Variants in POU2F2 observed in about 807,000 individuals in gnomAD.
POU2F2 encodes POU class 2 homeobox 2, also known as POU domain, class 2, transcription factor 2.
Under a neutral mutation model 63.5 loss-of-function variants are expected in POU2F2, and 14 were observed. That is an observed-to-expected ratio of 0.22 (90% confidence interval 0.15 to 0.34). POU2F2 has a LOEUF of 0.34. POU2F2 is among the 10% of genes least tolerant of loss of function. POU2F2 has a pLI of 1.00. For synonymous variants in POU2F2, 306 were observed against 348.6 expected (o/e 0.88, Z 1.36); for missense variants, 607 against 815.2 (o/e 0.74, Z 3.11).
chr19:42,164,704 G>A (rs549839067), intron 1 of POU2F2, among the ~76,000 whole-genome samples: 1 of 152,002 alleles, frequency 6.6e-6, no homozygotes, highest in East Asian at 1.9e-4. Context: ...GCTCACACCT[G>A]TAATCCCAGC....
chr19:42,125,950 C>T (rs2033159323), intron 1 of POU2F2, among the ~76,000 whole-genome samples: 1 of 152,198 alleles, frequency 6.6e-6, no homozygotes, highest in Admixed American at 6.5e-5. Context: ...CAGCCTCGGA[C>T]CCCACTGCCA....
chr19:42,175,033 G>A (rs1420550558), intron 1 of POU2F2, among the ~76,000 whole-genome samples: 6 of 152,092 alleles, frequency 3.9e-5, no homozygotes, highest in Non-Finnish European at 7.3e-5. Context: ...ATGGACTTCC[G>A]CCCCAATTTC....
In POU2F2 at chr19:42,117,360, C is replaced by A. The variant is rs1185675445; in HGVS notation, c.259G>T (p.Ala87Ser). ...GCTGAATCGCCACTGGGGTCTTCAG[C>A]CTTGATCTGGGGGGGAGAGAGGCAG... The part of the protein sequence containing the change: ...GPCLSPPQIK[A>S]EDPSGDSAPA... Residue 87 changes from alanine to serine, a missense_variant, in exon 5 of 15, where the codon GCT (alanine) becomes TCT (serine). Ala to Ser is a moderately conservative substitution (Grantham distance 99). Around this residue, in one of 7 missense-constraint regions of POU2F2, gnomAD observed 224 missense variants for 264.3 expected, o/e 0.85. Transcript: ENST00000692977. This position sits in a 1 kb window ranked among gnomAD's most constrained non-coding sequence, Gnocchi z 4.4. 2.0e-6 allele frequency: 3 copies of A among 1,531,882 alleles called. No homozygotes were observed. The South Asian group carries it at 3.9e-5, about 20-fold the overall frequency. The allele number at this position is 1,531,882 out of a possible 1,614,324, so 94.9% of individuals were successfully genotyped here. A position where few individuals can be genotyped will look rare whatever the true frequency, so the allele number is the denominator to read the frequency against.
rs1211158829 is a variant in POU2F2, at chr19:42,117,361, C to T, written c.258G>A (p.Lys86=). 2 of 1,531,226 alleles carry T rather than the reference C, an allele frequency of 1.3e-6. No homozygotes were observed. Among genetic ancestry groups the T allele is most frequent in the Non-Finnish European group, 8.7e-7 (1 of 1,150,188 alleles). 94.9% of individuals were successfully genotyped at this position (1,531,226 alleles called of 1,614,324 possible). Residue 86 remains lysine, a synonymous_variant, in exon 5 of 15, where the codon AAG becomes AAA. Coordinates refer to ENST00000692977, the MANE Select transcript of POU2F2 (RefSeq NM_001394376.1). The surrounding 1 kb of genome is among the most constrained non-coding windows in gnomAD (Gnocchi z 4.4). ...PGPCLSPPQI[K]AEDPSGDSAP... ...CTGAATCGCCACTGGGGTCTTCAGCCTTGATCTGGGGGGGAGAGAGGCAGG... is the reference window on the plus strand; with the variant it reads ...CTGAATCGCCACTGGGGTCTTCAGCTTTGATCTGGGGGGGAGAGAGGCAGG...
At chr19:42,192,025 A>G (rs1209859367) in intron 1 of POU2F2, among the ~76,000 whole-genome samples, 2 of 152,240 alleles carry the variant, frequency 1.3e-5, no homozygotes, top group African/African-American at 2.4e-5. Context: ...GGCATGTGGT[A>G]TAAGTGCTCT....
Position 42,091,473 on chromosome 19 carries a change from C to G in POU2F2, c.1659G>C (p.Leu553Phe). Reference protein sequence around the residue: ...SPGLVTSPLFLNHAGLPLLST... With the variant: ...SPGLVTSPLFFNHAGLPLLST... ...TGAGCAGGGGCAGCCCAGCATGATTCAAGAAGAGCGGCGAGGTCACCAGGC... is the reference window on the plus strand; with the variant it reads ...TGAGCAGGGGCAGCCCAGCATGATTGAAGAAGAGCGGCGAGGTCACCAGGC... The change falls in exon 15 of 15, where the codon TTG becomes TTC. Residue 553 changes from leucine to phenylalanine, a missense_variant. Leu to Phe is a conservative substitution (Grantham distance 22). Around this residue, in one of 7 missense-constraint regions of POU2F2, gnomAD observed 270 missense variants for 307.5 expected, o/e 0.88. Transcript: ENST00000692977. 1 of 1,550,224 alleles carries G rather than the reference C, an allele frequency of 6.5e-7. No homozygotes were observed. The highest frequency in any genetic ancestry group is 8.7e-7 in the Non-Finnish European group (1 of 1,146,248).
chr19:42,183,862 T>C (rs1210669344), intron 1 of POU2F2, among the ~76,000 whole-genome samples: 1 of 152,018 alleles, frequency 6.6e-6, no homozygotes, highest in Admixed American at 6.6e-5. Context: ...AGAGTAAGAC[T>C]ATCAAGAAGT....
intron 1 of POU2F2, among the ~76,000 whole-genome samples, chr19:42,183,926 C>T (rs771245796): frequency 6.6e-6 from 1 of 151,322 alleles, no homozygotes; most frequent in Non-Finnish European, 1.5e-5. Context: ...TTCGAAGTAC[C>T]ATGTTGAATA....
Position 42,162,884 on chromosome 19 carries a change from C to T in POU2F2, c.-69-2492G>A, listed in dbSNP as rs75466144. 0.096 allele frequency among the ~76,000 whole-genome samples: 14,629 copies of T among 152,174 alleles called. 903 individuals carry two copies. The highest frequency in any genetic ancestry group is 0.2 in the Middle Eastern group (58 of 294). On this transcript the variant is annotated intron_variant, in intron 1 of 6. Transcript: ENST00000524801. The surrounding 1 kb of genome is among the most constrained non-coding windows in gnomAD (Gnocchi z 4.1). ...GATAGACAGATGGAAACACTGGCAC[C>T]CACAGACACATCAGTACTGGCATTT...
Position 42,132,390 on chromosome 19 carries a change from C to T in POU2F2, c.22G>A (p.Ala8Thr). The change falls in exon 1 of 15, where the codon GCT becomes ACT. Residue 8 changes from alanine to threonine, a missense_variant. By Grantham distance (58) the Ala-to-Thr change is moderately conservative (BLOSUM62 0). This residue lies in a region of POU2F2 where 224 missense variants were observed against 264.3 expected (regional missense o/e 0.85). Transcript: ENST00000692977. ...CAGGCACCAGCCCCCTTACCTGGAG[C>T]CCCCATGCTGGAGTGAACCATGCTG... MVHSSMG[A>T]PEIRMSKPLE... 6.4e-7 allele frequency: 1 copy of T among 1,569,246 alleles called. No individual in the cohort carries two copies. Among genetic ancestry groups the T allele is most frequent in the Non-Finnish European group, 8.6e-7 (1 of 1,161,644 alleles).
chr19:42,116,411 A>G (rs992595093), intron 5 of POU2F2, among the ~76,000 whole-genome samples: 6 of 152,150 alleles, frequency 3.9e-5, no homozygotes, highest in Admixed American at 2.0e-4. Flanking sequence ...TGAGGACAAC[A>G]ATCTCAACCT....
intron 5 of POU2F2, among the ~76,000 whole-genome samples, chr19:42,100,291 A>G (rs1164996376): frequency 1.3e-5 from 2 of 151,140 alleles, no homozygotes; most frequent in African/African-American, 4.9e-5. Context: ...CAGTTTCACC[A>G]TGATAGCCAG....
In POU2F2 at chr19:42,146,537, C is replaced by A. The variant is rs1193200907; in HGVS notation, c.-9+13795G>T. On this transcript the variant is annotated intron_variant, in intron 2 of 6. Coordinates refer to the POU2F2 transcript ENST00000524801. ...CCAGCTCCACTTTGTGGGGCCCTAG[C>A]AGATTCTCCGAGCTCATACAGAAAG... Among the ~76,000 whole-genome samples the A allele has an allele frequency of 2.6e-5, 4 of 152,340 alleles. No homozygotes were observed. The East Asian group carries it at 7.7e-4, about 29-fold the overall frequency.
At chr19:42,161,905 G>C (rs1476575267) in intron 1 of POU2F2, among the ~76,000 whole-genome samples, 1 of 152,200 alleles carries the variant, frequency 6.6e-6, no homozygotes. Flanking sequence ...AGGAGATTTA[G>C]GGCCGGGATC....
upstream of POU2F2, among the ~76,000 whole-genome samples, chr19:42,180,946 A>C (rs1354009569): frequency 6.6e-6 from 1 of 151,982 alleles, no homozygotes; most frequent in African/African-American, 2.4e-5. Context: ...CCCAGGCTAA[A>C]GCACCAATTT....
At chr19:42,193,853 C>T (rs2035099857) in intron 1 of POU2F2, among the ~76,000 whole-genome samples, 1 of 152,158 alleles carries the variant, frequency 6.6e-6, no homozygotes, top group Non-Finnish European at 1.5e-5. Context: ...CAACTGGAAA[C>T]AACCCAAATG....
Position 42,086,200 on chromosome 19 carries a change from A to G in POU2F2, c.*5057T>C, listed in dbSNP as rs1019200499. The G allele has an allele frequency of 1.3e-5, 2 of 152,138 alleles. No individual in the cohort carries two copies. The highest frequency in any genetic ancestry group is 4.8e-5 in the African/African-American group (2 of 41,416). 9.4% of individuals were successfully genotyped at this position (152,138 alleles called of 1,614,324 possible). ...ACTCAAGTTACAAAAATGGGGCCTTAAAAGAAGCACATTGTACAATGAACA... is the reference window on the plus strand; with the variant it reads ...ACTCAAGTTACAAAAATGGGGCCTTGAAAGAAGCACATTGTACAATGAACA... On this transcript the variant is annotated 3_prime_UTR_variant, in exon 15 of 15. Coordinates refer to ENST00000692977, the MANE Select transcript of POU2F2 (RefSeq NM_001394376.1).
In POU2F2 at chr19:42,091,334, A is replaced by G. The variant is rs1381726971; in HGVS notation, c.1798T>C (p.Ser600Pro). The stretch of plus-strand genomic sequence containing the variant: ...GCTGCCGTCTCGCTGCAAGTGGAGG[A>G]GGAGGAGGATGAGGATGAAGAGGAT... ...SSSSSSSSSS[S>P]STCSETAAQT... Residue 600 changes from serine to proline, a missense_variant, in exon 15 of 15, where the codon TCC (serine) becomes CCC (proline). Physicochemically the swap from Ser to Pro is moderately conservative, Grantham distance 74. Coordinates refer to ENST00000692977, the MANE Select transcript of POU2F2 (RefSeq NM_001394376.1). 7.8e-6 allele frequency: 12 copies of G among 1,535,210 alleles called. No homozygotes were observed. The highest frequency in any genetic ancestry group is 1.0e-5 in the Non-Finnish European group (12 of 1,146,710).
intron 1 of POU2F2, among the ~76,000 whole-genome samples, chr19:42,192,558 A>G (rs1307616882): frequency 1.3e-5 from 2 of 152,154 alleles, no homozygotes; most frequent in Non-Finnish European, 2.9e-5. Flanking sequence ...TACCCTTGGT[A>G]ATAATAATTC....
Sources: allele counts gnomAD v4.1 joint callset (sites outside exome capture counted in the v4.1 genomes callset), GRCh38; gene constraint gnomAD v4.1.1; regional missense constraint gnomAD v4.1.1; non-coding constraint Gnocchi (gnomAD v3.1); transcripts MANE v1.5; gene names NCBI Gene and HGNC (gene_info 2026-07-23, HGNC 2026-07-21).